The following VTA1 variants were observed in gnomAD, a reference collection of about 807,000 sequenced individuals.
The protein encoded by VTA1 is vesicle trafficking 1.
VTA1 carries 24 observed loss-of-function variants against 36.9 expected under a neutral mutation model. The observed-to-expected ratio is 0.65, with a 90% CI of 0.47 to 0.91. VTA1 has a LOEUF of 0.91. Ranked by LOEUF, VTA1 falls within the 40% of genes least tolerant of loss-of-function variation. VTA1 has a pLI of 0.00. For synonymous variants in VTA1, 142 were observed against 130.2 expected (o/e 1.09, Z -0.62); for missense variants, 393 against 377.2 (o/e 1.04, Z -0.35).
At chr6:142,162,324 C>T (rs1774826393) in intron 1 of VTA1, among the ~76,000 whole-genome samples, 1 of 152,168 alleles carries the variant, frequency 6.6e-6, no homozygotes, top group Non-Finnish European at 1.5e-5. Context: ...CAAAATTGAT[C>T]TATCAAGTAG....
At chr6:142,177,420 T>C (rs1256189707) in intron 4 of VTA1, among the ~76,000 whole-genome samples, 1 of 152,166 alleles carries the variant, frequency 6.6e-6, no homozygotes, top group Non-Finnish European at 1.5e-5. Flanking sequence ...TTTTGTCAAG[T>C]TGTCATGGAG....
intron 5 of VTA1, among the ~76,000 whole-genome samples, chr6:142,190,388 A>G (rs979478434): frequency 2.0e-5 from 3 of 152,016 alleles, no homozygotes; most frequent in Non-Finnish European, 2.9e-5. Flanking sequence ...TATATGCTCC[A>G]TTTTTTCATA....
chr6:142,181,542 GAGT>G (rs1408464268), intron 4 of VTA1, among the ~76,000 whole-genome samples: 1 of 150,714 alleles, frequency 6.6e-6, no homozygotes, highest in Admixed American at 6.6e-5. Context: ...TGGAGAATCT[GAGT>G]AGAAGATATG....
intron 5 of VTA1, among the ~76,000 whole-genome samples, chr6:142,196,741 A>T (rs1775558679): frequency 6.6e-6 from 1 of 151,474 alleles, no homozygotes; most frequent in Non-Finnish European, 1.5e-5. Context: ...TCTTTTTTTC[A>T]CATTTTCCTT....
At position 142,224,589 on chromosome 6, in the gene VTA1, C is replaced by T. The variant is rs1776169496; in HGVS notation, c.*5946C>T. 6.6e-6 allele frequency: 1 copy of T among 152,074 alleles called. No homozygotes were observed. The allele number at this position is 152,074 out of a possible 1,614,324, so 9.4% of individuals were successfully genotyped here. On this transcript the variant is annotated 3_prime_UTR_variant, in exon 8 of 8. Transcript: ENST00000367630. ...TGAATTCCTGGTAATTCACATGAAG[C>T]TTGATGCATTGTAAGTATTCTGACC...
intron 1 of VTA1, among the ~76,000 whole-genome samples, chr6:142,148,179 T>C (rs528828106): frequency 7.2e-5 from 11 of 152,332 alleles, no homozygotes; most frequent in African/African-American, 2.6e-4. Flanking sequence ...CAATTATAAT[T>C]CTGAAAAGGA....
At chr6:142,153,872 A>G (rs1778613274) in intron 1 of VTA1, among the ~76,000 whole-genome samples, 1 of 152,088 alleles carries the variant, frequency 6.6e-6, no homozygotes, top group African/African-American at 2.4e-5. Context: ...ATGTAGTTGT[A>G]AGAAATATTA....
At chr6:142,199,443 G>A (rs1055798763) in intron 6 of VTA1, among the ~76,000 whole-genome samples, 2 of 151,920 alleles carry the variant, frequency 1.3e-5, no homozygotes, top group Non-Finnish European at 2.9e-5. Context: ...GTGACTTATG[G>A]TACTAAACTA....
intron 4 of VTA1, among the ~76,000 whole-genome samples, chr6:142,185,879 TC>T (rs1311088604): frequency 2.0e-5 from 3 of 152,320 alleles, no homozygotes; most frequent in Non-Finnish European, 4.4e-5. Flanking sequence ...TATGTATACT[TC>T]CTGAGCAACT....
At chr6:142,212,178 C>A (rs1775916881) in intron 7 of VTA1, among the ~76,000 whole-genome samples, 1 of 152,196 alleles carries the variant, frequency 6.6e-6, no homozygotes, top group Non-Finnish European at 1.5e-5. Context: ...TACCTGAATG[C>A]TTTTAAAACA....
chr6:142,213,127 A>C (rs1011356436), intron 7 of VTA1, among the ~76,000 whole-genome samples: 7 of 152,202 alleles, frequency 4.6e-5, no homozygotes, highest in Admixed American at 3.9e-4. Context: ...CAAGTTAGTT[A>C]CTTCTGAGAT....
chr6:142,151,105 A>G (rs552014312), intron 1 of VTA1, among the ~76,000 whole-genome samples: 2 of 152,242 alleles, frequency 1.3e-5, no homozygotes, highest in East Asian at 3.9e-4. Context: ...GGGAGGAGTT[A>G]TTCTGCGATA....
intron 7 of VTA1, among the ~76,000 whole-genome samples, chr6:142,217,544 G>T (rs114947396): frequency 6.6e-6 from 1 of 150,750 alleles, no homozygotes; most frequent in African/African-American, 2.4e-5. Flanking sequence ...TTTATGCTGC[G>T]TGTGTGTATT....
At chr6:142,155,163 T>C (rs1778640838) in intron 1 of VTA1, among the ~76,000 whole-genome samples, 1 of 152,174 alleles carries the variant, frequency 6.6e-6, no homozygotes, top group Admixed American at 6.5e-5. Flanking sequence ...TAAAGTGGAA[T>C]AACAATTTTT....
intron 4 of VTA1, among the ~76,000 whole-genome samples, chr6:142,184,193 G>A (rs1469445446): frequency 6.6e-6 from 1 of 152,114 alleles, no homozygotes; most frequent in Non-Finnish European, 1.5e-5. Context: ...GATCTTTAAG[G>A]CTTATTTTCT....
chr6:142,161,139 T>G (rs925906575), intron 1 of VTA1, among the ~76,000 whole-genome samples: 1 of 143,878 alleles, frequency 7.0e-6, no homozygotes, highest in African/African-American at 2.6e-5. Flanking sequence ...TGGAAAGTAG[T>G]TAGATATGTT....
intron 7 of VTA1, among the ~76,000 whole-genome samples, chr6:142,217,202 T>A (rs567908229): frequency 1.6e-3 from 238 of 152,238 alleles, no homozygotes; most frequent in Non-Finnish European, 2.7e-3. Flanking sequence ...ATACTACTAG[T>A]TCAACAAATA....
At chr6:142,192,187 A>T (rs760178179) in intron 5 of VTA1, among the ~76,000 whole-genome samples, 8 of 152,218 alleles carry the variant, frequency 5.3e-5, no homozygotes, top group Non-Finnish European at 1.0e-4. Flanking sequence ...TATGCATTCA[A>T]TAGAAACTGT....
rs574377927 is a variant in VTA1 at position 142,166,891 on chromosome 6, G to C, written c.207+569G>C. Reference sequence around the variant, plus strand: ...TACACTCACCTCAGCCTCCCAAAGTGCTGGGATTACAGGCATGAGCCACCA... The same window carrying C: ...TACACTCACCTCAGCCTCCCAAAGTCCTGGGATTACAGGCATGAGCCACCA... On this transcript the variant is annotated intron_variant, in intron 2 of 7. Coordinates refer to ENST00000367630, the MANE Select transcript of VTA1 (RefSeq NM_016485.5). Among the ~76,000 whole-genome samples the C allele has an allele frequency of 2.0e-5, 3 of 152,246 alleles. No homozygotes were observed. The South Asian group carries it at 6.2e-4, about 32-fold the overall frequency.
Sources: allele counts gnomAD v4.1 joint callset (sites outside exome capture counted in the v4.1 genomes callset), GRCh38; gene constraint gnomAD v4.1.1; transcripts MANE v1.5; gene names NCBI Gene and HGNC (gene_info 2026-07-23, HGNC 2026-07-21).